KLF10: variants seen among roughly 807,000 people sequenced by gnomAD.
KLF10 encodes the protein Krueppel-like factor 10.
A neutral mutation model predicts 31.6 loss-of-function variants in KLF10; 17 were observed. The ratio of observed to expected loss-of-function variants is 0.54; its 90% confidence interval spans 0.37 to 0.81. KLF10 has a LOEUF of 0.81. Among genes scored for constraint, KLF10 ranks in the 30% least tolerant of loss-of-function variants. The pLI is 0.00. For synonymous variants in KLF10, 239 were observed against 215.1 expected, an observed-to-expected ratio of 1.11 and a Z score of -0.97; for missense variants, 525 against 598.1, an observed-to-expected ratio of 0.88 and a Z score of 1.27.
intron 1 of KLF10, 59 bp from the exon 2 acceptor site, chr8:102,652,456 AG>A: frequency 1.1e-6 from 1 of 934,186 alleles, no homozygotes; most frequent in East Asian, 2.6e-5. Context: ...AATGACACAC[AG>A]AAAAATGAGC....
chr8:102,651,260 T>G lies in KLF10; in HGVS notation c.1072A>C (p.Thr358Pro), dbSNP rs879036964. The change falls in exon 3 of 4, where the codon ACT becomes CCT. Residue 358 changes from threonine (T) to proline (P), a missense_variant. Transcript: ENST00000285407. Reference sequence around the variant, plus strand: ...ATCCTTGATGAATCAATCTGAGGAGTGACTTTTGCTGCTGAAGGGGAAAAC... The same window carrying G: ...ATCCTTGATGAATCAATCTGAGGAGGGACTTTTGCTGCTGAAGGGGAAAAC... ...PGFSPSAAKV[T>P]PQIDSSRIRS... is the part of the protein sequence containing the mutation. The G allele has an allele frequency of 6.2e-7, 1 of 1,604,806 alleles. No homozygotes were observed. The highest frequency in any genetic ancestry group is 1.7e-5 in the Admixed American group (1 of 58,478).
chr8:102,651,806 T>G lies in KLF10; in HGVS notation c.526A>C (p.Ser176Arg), dbSNP rs1431578037. 6.2e-7 allele frequency: 1 copy of G among 1,614,244 alleles called. No individual in the cohort carries two copies. Among genetic ancestry groups the G allele is most frequent in the Non-Finnish European group, 8.5e-7 (1 of 1,180,040 alleles). ...GAATTGTTCTGATAGTTGAGGATGC[T>G]GGCTGCTTTCATTGGGCAGGTCTGG... ...NHQTCPMKAASILNYQNNSFR... is the reference protein window; with the variant it reads ...NHQTCPMKAARILNYQNNSFR... Residue 176 changes from serine (S) to arginine (R), a missense_variant, in exon 3 of 4, where the codon AGC (serine) becomes CGC (arginine). By Grantham distance (110) the Ser-to-Arg change is moderately radical. Coordinates refer to ENST00000285407, the MANE Select transcript of KLF10 (RefSeq NM_005655.4).
intron 1 of KLF10, among the ~76,000 whole-genome samples, chr8:102,655,008 A>C (rs1481632093): frequency 1.3e-5 from 2 of 150,698 alleles, no homozygotes; most frequent in Admixed American, 6.6e-5. Flanking sequence ...TCTGCTGAGC[A>C]GCCCCCGTCT....
intron 1 of KLF10, 49 bp downstream of exon 1, chr8:102,655,517 C>T (rs761980972): frequency 2.5e-6 from 4 of 1,612,510 alleles, no homozygotes; most frequent in African/African-American, 1.3e-5. Flanking sequence ...CTTTGGCCCC[C>T]CAGACAAGAC....
intron 1 of KLF10, chr8:102,653,331 A>G (rs1185786448): frequency 5.6e-6 from 4 of 720,160 alleles, no homozygotes; most frequent in African/African-American, 5.5e-5. Flanking sequence ...AGCATAATCA[A>G]AGTAGAATCT....
rs1053760569 is a variant in KLF10 at position 102,651,372 on chromosome 8, C to G, written c.960G>C (p.Val320=). 7 of 1,601,190 alleles carry G rather than the reference C, an allele frequency of 4.4e-6. No homozygotes were observed. The highest frequency in any genetic ancestry group is 3.4e-5 in the Admixed American group (2 of 59,044). Residue 320 remains valine, a synonymous_variant, in exon 3 of 4, where the codon GTG becomes GTC. Coordinates refer to ENST00000285407, the MANE Select transcript of KLF10 (RefSeq NM_005655.4). ...AACTCTGCACAACGGGCTGGGGTAC[C>G]ACAAACATGACAGCGCCTTTGGGGA... The part of the protein sequence containing the change: ...TQVPKGAVMF[V]VPQPVVQSSK...
intron 1 of KLF10, among the ~76,000 whole-genome samples, chr8:102,653,159 C>T (rs1827258261): frequency 6.6e-6 from 1 of 152,122 alleles, no homozygotes; most frequent in Admixed American, 6.5e-5. Flanking sequence ...TTTTAATTAA[C>T]TTTCAACCTC....
rs1389067263 is a variant in KLF10 at position 102,655,705 on chromosome 8, G to A, written c.-104C>T. The A allele has an allele frequency of 1.3e-5, 17 of 1,327,714 alleles. No homozygotes were observed. The African/African-American group carries it at 1.9e-4, about 15-fold the overall frequency. 82.2% of individuals were successfully genotyped at this position (1,327,714 alleles called of 1,614,324 possible). ...GACACTCGACGCCGCTCCCGCCGCC[G>A]CCGCGCTCAGCGCCGTCTGCCCCCT... On this transcript the variant is annotated 5_prime_UTR_variant, in exon 1 of 4. Coordinates refer to ENST00000285407, the MANE Select transcript of KLF10 (RefSeq NM_005655.4).
chr8:102,653,798 A>G (rs899856746), intron 1 of KLF10: 1 of 1,045,794 alleles, frequency 9.6e-7, no homozygotes, highest in Non-Finnish European at 1.2e-6. Context: ...TGAGCTGGGA[A>G]GGACAGGAAG....
chr8:102,653,968 G>A, intron 1 of KLF10: 10 of 985,894 alleles, frequency 1.0e-5, no homozygotes, highest in Non-Finnish European at 1.2e-5. Context: ...CCTCAATGAG[G>A]CTCACGGGTG....
At chr8:102,654,843 T>C (rs1827322583) in intron 1 of KLF10, among the ~76,000 whole-genome samples, 1 of 149,440 alleles carries the variant, frequency 6.7e-6, no homozygotes, top group Non-Finnish European at 1.5e-5. Context: ...TCCCCGCCTC[T>C]TCCAAGGAGT....
At chr8:102,654,245 C>A (rs1744836500) in intron 1 of KLF10, 1 of 146,212 alleles carries the variant, frequency 6.8e-6, no homozygotes, top group African/African-American at 2.5e-5. Context: ...GGGGGAGGGG[C>A]CGCGGGCGCC....
intron 1 of KLF10, among the ~76,000 whole-genome samples, chr8:102,652,765 A>T (rs1827247818): frequency 6.6e-6 from 1 of 152,232 alleles, no homozygotes; most frequent in Non-Finnish European, 1.5e-5. Context: ...TATTTGGCTA[A>T]GAAGAAAAGG....
At position 102,651,494 on chromosome 8, in the gene KLF10, G is replaced by C; in HGVS notation, c.838C>G (p.Pro280Ala). 1 of 1,613,918 alleles carries C rather than the reference G, an allele frequency of 6.2e-7. No individual in the cohort carries two copies. Among genetic ancestry groups the C allele is most frequent in the East Asian group, 2.2e-5 (1 of 44,880 alleles). Residue 280 changes from proline (P) to alanine (A), a missense_variant, in exon 3 of 4, where the codon CCT becomes GCT. This residue lies in a region of KLF10 where 434 missense variants were observed against 450.7 expected (regional missense o/e 0.96). Coordinates refer to ENST00000285407, the MANE Select transcript of KLF10 (RefSeq NM_005655.4). ...GTTGTCACAACAGGGTTGTTGGCAG[G>C]AAGGGGAACCATCTGGCAGATGACC... is the stretch of plus-strand genomic sequence containing the variant. ...MPVICQMVPL[P>A]ANNPVVTTVV...
At position 102,655,618 on chromosome 8, in the gene KLF10, G is replaced by T; in HGVS notation, c.-17C>A. ...GTTGAGCATGGTTGGCTGCTTGGCC[G>T]CCGGCGGCAAGCTGACTGGCTGCTA... On this transcript the variant is annotated 5_prime_UTR_variant, in exon 1 of 4. Transcript: ENST00000285407. The T allele has an allele frequency of 6.2e-7, 1 of 1,613,686 alleles. No homozygotes were observed. The highest frequency in any genetic ancestry group is 8.5e-7 in the Non-Finnish European group (1 of 1,179,818).
chr8:102,652,391 T>C lies in KLF10; in HGVS notation c.43A>G (p.Arg15Gly). Reference sequence around the variant, plus strand: ...GGCCTTTCAGAAATCATTTCCATTCTTTCCTCCTATAAAAACAAAAGAGGA... The same window carrying C: ...GGCCTTTCAGAAATCATTTCCATTCCTTCCTCCTATAAAAACAAAAGAGGA... ...GASLQQTAEE[R>G]MEMISERPKE... The change falls in exon 2 of 4, where the codon AGA (arginine) becomes GGA (glycine). Residue 15 changes from arginine (R) to glycine (G), a missense_variant. Around this residue, in one of 3 missense-constraint regions of KLF10, gnomAD observed 434 missense variants for 450.7 expected, o/e 0.96. Coordinates refer to ENST00000285407, the MANE Select transcript of KLF10 (RefSeq NM_005655.4). 1 of 1,554,216 alleles carries C rather than the reference T, an allele frequency of 6.4e-7. No individual in the cohort carries two copies. Among genetic ancestry groups the C allele is most frequent in the Non-Finnish European group, 8.8e-7 (1 of 1,141,406 alleles).
chr8:102,653,468 A>G, intron 1 of KLF10: 2 of 1,549,344 alleles, frequency 1.3e-6, no homozygotes, highest in Non-Finnish European at 1.7e-6. Flanking sequence ...GGTACTACTC[A>G]CCATTTCTCC....
intron 1 of KLF10, chr8:102,653,714 CGTGT>C (rs1377699682): frequency 1.2e-5 from 14 of 1,208,812 alleles, no homozygotes; most frequent in Admixed American, 4.5e-5. Context: ...GGACAGCGCG[CGTGT>C]GTGTAACAGC....
At chr8:102,651,040 C>T (rs1827196449) in intron 3 of KLF10, 109 bp downstream of exon 3, 6 of 1,060,304 alleles carry the variant, frequency 5.7e-6, no homozygotes, top group Non-Finnish European at 6.7e-6. Context: ...AAATACCATC[C>T]TCTAAACTAG....
Sources: gnomAD v4.1 joint callset for allele counts (sites outside exome capture counted in the v4.1 genomes callset) on GRCh38, gnomAD v4.1.1 for gene constraint, gnomAD v4.1.1 regional missense constraint, MANE v1.5 for transcripts, NCBI Gene and HGNC (gene_info 2026-07-23, HGNC 2026-07-21) for gene names.